The following DOCK5 variants were observed in gnomAD, a reference collection of about 807,000 sequenced individuals.
DOCK5 encodes dedicator of cytokinesis 5.
A neutral mutation model predicts 251.8 loss-of-function variants in DOCK5; 142 were observed. The observed-to-expected ratio is 0.56, with a 90% CI of 0.49 to 0.65. The LOEUF (loss-of-function observed/expected upper bound fraction) is 0.65, where lower values mean the gene tolerates loss of function less well. DOCK5 is among the 30% of genes least tolerant of loss of function. The pLI is 0.00. For synonymous variants in DOCK5, 842 were observed against 835.5 expected, an observed-to-expected ratio of 1.01 and a Z score of -0.13; for missense variants, 2,111 against 2,312.3, an observed-to-expected ratio of 0.91 and a Z score of 1.79.
chr8:25,184,980 C>G (rs1428971087), intron 1 of DOCK5, 29 bp downstream of exon 1: 5 of 1,348,082 alleles, frequency 3.7e-6, no homozygotes, highest in Non-Finnish European at 4.8e-6. Context: ...TTGTCCCGGC[C>G]CGACCCACGC....
intron 26 of DOCK5, among the ~76,000 whole-genome samples, chr8:25,350,534 CA>C (rs777882521): frequency 5.3e-5 from 8 of 152,232 alleles, no homozygotes; most frequent in Non-Finnish European, 1.2e-4. Flanking sequence ...ACACATGACA[CA>C]GTCAGAATAC....
Position 25,292,096 on chromosome 8 carries a change from C to T in DOCK5, c.394C>T (p.Leu132=), listed in dbSNP as rs748741297. ...YSLIEWRSQI[L]SGTLPKDELA... ...CCTGATCGAGTGGCGGTCCCAGATC[C>T]TGTCTGGGACGCTCCCCAAGGATGA... The change falls in exon 6 of 52, where the codon CTG becomes TTG. Residue 132 remains leucine (L), a synonymous_variant. Coordinates refer to ENST00000276440, the MANE Select transcript of DOCK5 (RefSeq NM_024940.8). 21 of 1,591,558 alleles carry T rather than the reference C, an allele frequency of 1.3e-5. No homozygotes were observed. In the Middle Eastern group the frequency reaches 5.0e-4, roughly 38 times the overall value.
intron 47 of DOCK5, among the ~76,000 whole-genome samples, chr8:25,401,812 C>G (rs1310199207): frequency 6.6e-6 from 1 of 152,168 alleles, no homozygotes; most frequent in East Asian, 1.9e-4. Flanking sequence ...GCTGTCTGGC[C>G]AAATTCTTAC....
intron 2 of DOCK5, among the ~76,000 whole-genome samples, chr8:25,264,399 A>C (rs1036971601): frequency 1.3e-5 from 2 of 151,438 alleles, no homozygotes; most frequent in Non-Finnish European, 2.9e-5. Flanking sequence ...AAACCTCATC[A>C]ATGTATATAT....
At chr8:25,313,837 C>T (rs550903974) in intron 13 of DOCK5, among the ~76,000 whole-genome samples, 5 of 152,298 alleles carry the variant, frequency 3.3e-5, no homozygotes, top group Admixed American at 2.0e-4. Context: ...CCTCATTTTA[C>T]CTTACTTACT....
intron 13 of DOCK5, among the ~76,000 whole-genome samples, chr8:25,315,763 G>A (rs1805230852): frequency 6.6e-6 from 1 of 152,230 alleles, no homozygotes; most frequent in South Asian, 2.1e-4. Flanking sequence ...GACAAAGAGT[G>A]TGTCAAGTAA....
At chr8:25,300,691 G>A in intron 9 of DOCK5, 34 bp downstream of exon 9, 2 of 1,577,230 alleles carry the variant, frequency 1.3e-6, no homozygotes. Flanking sequence ...CATTCTCTTT[G>A]TTTGTGATAT....
At chr8:25,193,999 A>T (rs1801651762) in intron 1 of DOCK5, among the ~76,000 whole-genome samples, 1 of 151,964 alleles carries the variant, frequency 6.6e-6, no homozygotes, top group South Asian at 2.1e-4. Context: ...CAAAACGATA[A>T]TTGAAGCCGG....
At chr8:25,306,699 AAAAT>A (rs1030837191) in intron 11 of DOCK5, among the ~76,000 whole-genome samples, 12 of 151,582 alleles carry the variant, frequency 7.9e-5, no homozygotes, top group Admixed American at 4.6e-4. Context: ...GTCTGAAAAA[AAAAT>A]AAATAAATAA....
intron 3 of DOCK5, among the ~76,000 whole-genome samples, chr8:25,272,225 C>T (rs994699890): frequency 7.2e-5 from 11 of 152,050 alleles, no homozygotes; most frequent in Admixed American, 2.6e-4. Flanking sequence ...GACGGTGTCT[C>T]AGTTTGTTGC....
chr8:25,320,651 A>G (rs1320055738), intron 15 of DOCK5, among the ~76,000 whole-genome samples: 1 of 152,174 alleles, frequency 6.6e-6, no homozygotes, highest in African/African-American at 2.4e-5. Context: ...AATTATTACT[A>G]TATTTATACA....
At chr8:25,389,456 A>G (rs1801220321) in intron 41 of DOCK5, among the ~76,000 whole-genome samples, 1 of 152,228 alleles carries the variant, frequency 6.6e-6, no homozygotes, top group Non-Finnish European at 1.5e-5. Context: ...AATGATGGAT[A>G]TGAAATATAC....
At chr8:25,306,368 T>A (rs1804925447) in intron 11 of DOCK5, among the ~76,000 whole-genome samples, 1 of 152,170 alleles carries the variant, frequency 6.6e-6, no homozygotes, top group Admixed American at 6.5e-5. Flanking sequence ...TATATAAATA[T>A]GTATTGTATA....
intron 1 of DOCK5, among the ~76,000 whole-genome samples, chr8:25,196,883 A>G (rs1801742067): frequency 6.6e-6 from 1 of 152,204 alleles, no homozygotes; most frequent in African/African-American, 2.4e-5. Flanking sequence ...TCTGTGGTCA[A>G]GGAACACACA....
At position 25,403,600 on chromosome 8, in the gene DOCK5, A is replaced by G. The variant is rs747850494; in HGVS notation, c.4969A>G (p.Ile1657Val). 9.9e-6 allele frequency: 16 copies of G among 1,613,818 alleles called. No individual in the cohort carries two copies. Among genetic ancestry groups the G allele is most frequent in the Admixed American group, 8.3e-5 (5 of 59,990 alleles). Reference sequence around the variant, plus strand: ...GAGGAAGCAAAGCCGCACGGGGTCTATTGTGCTCCCCTACATCATGTCTTC... The same window carrying G: ...GAGGAAGCAAAGCCGCACGGGGTCTGTTGTGCTCCCCTACATCATGTCTTC... ...TERKQSRTGS[I>V]VLPYIMSSTL... The change falls in exon 48 of 52, where the codon ATT becomes GTT. Residue 1657 changes from isoleucine to valine, a missense_variant. Physicochemically the swap from Ile to Val is conservative, Grantham distance 29. This residue lies in a region of DOCK5 where 1,717 missense variants were observed against 1,892.4 expected (regional missense o/e 0.91). Coordinates refer to ENST00000276440, the MANE Select transcript of DOCK5 (RefSeq NM_024940.8).
chr8:25,236,011 T>G (rs1200058368), intron 1 of DOCK5, among the ~76,000 whole-genome samples: 1 of 152,066 alleles, frequency 6.6e-6, no homozygotes, highest in South Asian at 2.1e-4. Flanking sequence ...TTGGCCAGGC[T>G]GATCTTGAAC....
At chr8:25,320,770 A>G (rs1805402315) in intron 15 of DOCK5, among the ~76,000 whole-genome samples, 1 of 152,210 alleles carries the variant, frequency 6.6e-6, no homozygotes, top group Non-Finnish European at 1.5e-5. Context: ...CAGTATCCCT[A>G]TGCTCAGAAT....
At chr8:25,194,655 T>G (rs2117447221) in intron 1 of DOCK5, among the ~76,000 whole-genome samples, 1 of 152,278 alleles carries the variant, frequency 6.6e-6, no homozygotes, top group East Asian at 1.9e-4. Flanking sequence ...AGCTGTTCAC[T>G]GGGCGTCTCC....
intron 13 of DOCK5, among the ~76,000 whole-genome samples, chr8:25,315,471 C>G (rs144553731): frequency 6.6e-6 from 1 of 152,284 alleles, no homozygotes; most frequent in Non-Finnish European, 1.5e-5. Context: ...TGGTGAGTGG[C>G]TCACCATAGC....
Sources: allele counts gnomAD v4.1 joint callset (sites outside exome capture counted in the v4.1 genomes callset), GRCh38; gene constraint gnomAD v4.1.1; regional missense constraint gnomAD v4.1.1; transcripts MANE v1.5; gene names NCBI Gene and HGNC (gene_info 2026-07-23, HGNC 2026-07-21).